The following GPHN variants were observed in gnomAD, a reference collection of about 807,000 sequenced individuals.
GPHN encodes gephyrin.
In GPHN, 17 loss-of-function variants were observed where a neutral mutation model predicts 95.5. The observed-to-expected ratio is 0.18, with a 90% CI of 0.12 to 0.27. GPHN has a LOEUF of 0.27. GPHN is among the 10% of genes least tolerant of loss of function. The pLI is 1.00. For synonymous variants in GPHN, 320 were observed against 322.5 expected (o/e 0.99, Z 0.08); for missense variants, 660 against 978.1 (o/e 0.67, Z 4.34).
At chr14:66,679,797 T>C (rs1359354785) in intron 1 of GPHN, among the ~76,000 whole-genome samples, 2 of 152,214 alleles carry the variant, frequency 1.3e-5, no homozygotes, top group Non-Finnish European at 2.9e-5. Context: ...TAAAATAGAT[T>C]TTCATTCTTT....
At chr14:67,034,062 A>G (rs1201766414) in intron 10 of GPHN, among the ~76,000 whole-genome samples, 1 of 152,214 alleles carries the variant, frequency 6.6e-6, no homozygotes, top group Non-Finnish European at 1.5e-5. Flanking sequence ...CTTACAAGAA[A>G]TGCTAAAGAG....
rs572849476 is a variant in GPHN at position 66,546,176 on chromosome 14, G to A, written c.64+37585G>A. Among the ~76,000 whole-genome samples the A allele has an allele frequency of 2.8e-3, 422 of 149,700 alleles. 1 individual carries two copies. The highest frequency in any genetic ancestry group is 0.01 in the African/African-American group (401 of 39,336). The stretch of plus-strand genomic sequence containing the variant: ...CTCCTCACTTCCTAGATGGGATGGC[G>A]GCCGGGAAGAGGCGCTCCTCACTTC... On this transcript the variant is annotated intron_variant, in intron 1 of 22. Coordinates refer to ENST00000478722, the MANE Select transcript of GPHN (RefSeq NM_020806.5).
the GPHN span, among the ~76,000 whole-genome samples, chr14:67,314,795 A>G: frequency 6.6e-6 from 1 of 152,228 alleles, no homozygotes; most frequent in African/African-American, 2.4e-5. Flanking sequence ...GATTTTTTTA[A>G]GAGGTCATTA....
intron 8 of GPHN, among the ~76,000 whole-genome samples, chr14:66,963,304 C>G (rs1438675948): frequency 6.6e-6 from 1 of 151,984 alleles, no homozygotes; most frequent in Non-Finnish European, 1.5e-5. Context: ...CATATATACA[C>G]ACAGAGATAT....
At chr14:66,606,977 G>A (rs1056262973) in intron 1 of GPHN, among the ~76,000 whole-genome samples, 6 of 152,108 alleles carry the variant, frequency 3.9e-5, no homozygotes, top group Admixed American at 2.0e-4. Flanking sequence ...TCAGTACTAT[G>A]TTGAATAGGA....
At chr14:66,898,485 A>AT (rs2064973599) in intron 5 of GPHN, among the ~76,000 whole-genome samples, 1 of 150,052 alleles carries the variant, frequency 6.7e-6, no homozygotes, top group Non-Finnish European at 1.5e-5. Context: ...AAAAAAAAAA[A>AT]AAAAAAGCTA....
At chr14:67,580,913 G>T in the GPHN span, 1 of 1,509,420 alleles carries the variant, frequency 6.6e-7, no homozygotes. Flanking sequence ...GAAATTTTCT[G>T]ACTTTCTTCT....
At chr14:67,512,591 G>T in the GPHN span, among the ~76,000 whole-genome samples, 1 of 152,148 alleles carries the variant, frequency 6.6e-6, no homozygotes, top group Non-Finnish European at 1.5e-5. Flanking sequence ...CTCTGGGAGG[G>T]TTAGCTATCC....
chr14:67,637,047 T>C, the GPHN span, among the ~76,000 whole-genome samples: 3 of 152,256 alleles, frequency 2.0e-5, no homozygotes, highest in African/African-American at 7.2e-5. Flanking sequence ...CTAAGCTTCT[T>C]GAAAAATTAG....
chr14:67,449,075 C>A, the GPHN span, among the ~76,000 whole-genome samples: 16 of 152,276 alleles, frequency 1.1e-4, 1 homozygote, highest in South Asian at 3.3e-3. Context: ...GGCCCAGACC[C>A]TTTTAGGAAG....
At chr14:67,469,239 A>G in the GPHN span, among the ~76,000 whole-genome samples, 2 of 152,206 alleles carry the variant, frequency 1.3e-5, no homozygotes, top group South Asian at 4.1e-4. Context: ...TGGGTGTTCT[A>G]TAACCCAGCT....
chr14:66,755,305 C>T (rs980025032), intron 2 of GPHN, among the ~76,000 whole-genome samples: 1 of 152,076 alleles, frequency 6.6e-6, no homozygotes, highest in Admixed American at 6.6e-5. Context: ...TCTATTAGAG[C>T]ATAACTGCAT....
intron 17 of GPHN, among the ~76,000 whole-genome samples, chr14:67,124,800 C>T (rs1396823396): frequency 1.4e-5 from 2 of 138,658 alleles, no homozygotes; most frequent in African/African-American, 6.1e-5. Flanking sequence ...CCCATTCTCC[C>T]TCTTACTGTT....
the GPHN span, among the ~76,000 whole-genome samples, chr14:67,675,011 T>C: frequency 1.3e-5 from 2 of 152,208 alleles, no homozygotes; most frequent in South Asian, 2.1e-4. Context: ...GACAGCGGGC[T>C]TCGGCCCGAT....
chr14:67,618,127 G>T, the GPHN span, among the ~76,000 whole-genome samples: 2 of 152,152 alleles, frequency 1.3e-5, no homozygotes, highest in African/African-American at 2.4e-5. Context: ...GTAGTGATGG[G>T]CAAGAAATAC....
intron 1 of GPHN, among the ~76,000 whole-genome samples, chr14:66,559,568 C>T (rs550744068): frequency 1.3e-5 from 2 of 151,718 alleles, no homozygotes; most frequent in South Asian, 4.2e-4. Flanking sequence ...TGTCCTACAC[C>T]CAGTTTTTGA....
the GPHN span, among the ~76,000 whole-genome samples, chr14:67,443,136 G>A: frequency 1.3e-5 from 2 of 152,030 alleles, no homozygotes; most frequent in Admixed American, 6.6e-5. Context: ...TGGGAGGATT[G>A]CTTGAGCCCA....
chr14:67,623,676 G>T, the GPHN span, among the ~76,000 whole-genome samples: 1 of 151,472 alleles, frequency 6.6e-6, no homozygotes, highest in South Asian at 2.1e-4. Flanking sequence ...AAAGTAGCTG[G>T]GATTACAGGT....
the GPHN span, among the ~76,000 whole-genome samples, chr14:67,256,022 G>A: frequency 6.6e-6 from 1 of 152,088 alleles, no homozygotes. Context: ...GTAATTTAAA[G>A]TTTCAATATT....
Sources: gnomAD v4.1 joint callset for allele counts (sites outside exome capture counted in the v4.1 genomes callset) on GRCh38, gnomAD v4.1.1 for gene constraint, MANE v1.5 for transcripts, NCBI Gene and HGNC (gene_info 2026-07-23, HGNC 2026-07-21) for gene names.